The following CD38 variants were observed in gnomAD, a reference collection of about 807,000 sequenced individuals.
CD38 encodes the protein CD38 molecule, also known as ADP-ribosyl cyclase/cyclic ADP-ribose hydrolase 1.
A neutral mutation model predicts 36.3 loss-of-function variants in CD38; 31 were observed. That is an observed-to-expected ratio of 0.85 (90% CI 0.64 to 1.15). The LOEUF is 1.15. Ranked by LOEUF, CD38 falls within the 50% of genes most tolerant of loss-of-function variation. The probability of loss-of-function intolerance (pLI) is 0.00; values close to 1 mark genes in which losing one functional copy is unlikely to be tolerated. For synonymous variants in CD38, 131 were observed against 135.2 expected, an observed-to-expected ratio of 0.97 and a Z score of 0.22; for missense variants, 380 against 371.9, an observed-to-expected ratio of 1.02 and a Z score of -0.18.
At position 15,849,565 on chromosome 4, in the gene CD38, G is replaced by A. The variant is rs1724342364; in HGVS notation, c.*963G>A. On this transcript the variant is annotated 3_prime_UTR_variant, in exon 8 of 8. Coordinates refer to ENST00000226279, the MANE Select transcript of CD38 (RefSeq NM_001775.4). ...TCTTCATGCTCAGTGTTTTATATAT[G>A]TAGTATACAGTTAAAATATACTTGT... 1 of 152,142 alleles carries A rather than the reference G, an allele frequency of 6.6e-6. No individual in the cohort carries two copies. The highest frequency in any genetic ancestry group is 1.5e-5 in the Non-Finnish European group (1 of 68,028). 9.4% of individuals were successfully genotyped at this position (152,142 alleles called of 1,614,324 possible). A position where few individuals can be genotyped will look rare whatever the true frequency, so the allele number is the denominator to read the frequency against.
At chr4:15,804,378 G>C (rs569066461) in intron 1 of CD38, among the ~76,000 whole-genome samples, 1 of 152,230 alleles carries the variant, frequency 6.6e-6, no homozygotes, top group East Asian at 1.9e-4. Context: ...TTCCTTAACA[G>C]GCTAAAAATA....
chr4:15,787,267 G>A (rs549864526), intron 1 of CD38, among the ~76,000 whole-genome samples: 5 of 152,376 alleles, frequency 3.3e-5, no homozygotes, highest in Non-Finnish European at 5.9e-5. Flanking sequence ...TCTCATTAGG[G>A]TTGGGGAAAT....
At chr4:15,826,454 T>G (rs887667714) in intron 3 of CD38, among the ~76,000 whole-genome samples, 1 of 108,022 alleles carries the variant, frequency 9.3e-6, no homozygotes, top group African/African-American at 4.7e-5. Flanking sequence ...GAAACACTTT[T>G]GTGCGCACAC....
At chr4:15,794,999 G>T (rs945159699) in intron 1 of CD38, among the ~76,000 whole-genome samples, 8 of 152,154 alleles carry the variant, frequency 5.3e-5, no homozygotes, top group Non-Finnish European at 1.0e-4. Context: ...TTAGTATAGT[G>T]AGTCAGTTAA....
intron 1 of CD38, among the ~76,000 whole-genome samples, chr4:15,809,200 G>A (rs1445519375): frequency 6.6e-6 from 1 of 152,204 alleles, no homozygotes; most frequent in African/African-American, 2.4e-5. Context: ...ATTGCTGATT[G>A]TTGGCTAACT....
At chr4:15,790,027 G>A (rs1401650901) in intron 1 of CD38, among the ~76,000 whole-genome samples, 1 of 152,142 alleles carries the variant, frequency 6.6e-6, no homozygotes, top group Admixed American at 6.5e-5. Flanking sequence ...GAGGGAGAGT[G>A]AAACATAGAA....
chr4:15,849,744 A>G lies in CD38; in HGVS notation c.*1142A>G, dbSNP rs146320094. ...GTTTTGCTCTTCTCTTTAGCATTGG[A>G]AACATAGAAATGCTTTCTGATTTCT... On this transcript the variant is annotated 3_prime_UTR_variant, in exon 8 of 8. Coordinates refer to ENST00000226279, the MANE Select transcript of CD38 (RefSeq NM_001775.4). 21 of 152,296 alleles carry G rather than the reference A, an allele frequency of 1.4e-4. No individual in the cohort carries two copies. Among genetic ancestry groups the G allele is most frequent in the African/African-American group, 4.6e-4 (19 of 41,562 alleles). The allele number at this position is 152,296 out of a possible 1,614,324, so 9.4% of individuals were successfully genotyped here.
chr4:15,826,514 AT>A (rs1723854269), intron 3 of CD38, among the ~76,000 whole-genome samples: 1 of 151,538 alleles, frequency 6.6e-6, no homozygotes, highest in Non-Finnish European at 1.5e-5. Context: ...TACTTGAACG[AT>A]AAATTTTTAT....
chr4:15,793,064 C>G (rs755742844), intron 1 of CD38, among the ~76,000 whole-genome samples: 1 of 152,118 alleles, frequency 6.6e-6, no homozygotes, highest in African/African-American at 2.4e-5. Flanking sequence ...TAAAATCCTC[C>G]TCTATTCCCT....
chr4:15,840,511 T>C lies in CD38; in HGVS notation c.812T>C (p.Ile271Thr), dbSNP rs1202552108. The change falls in exon 7 of 8, where the codon ATT (isoleucine) becomes ACT (threonine). Residue 271 changes from isoleucine (I) to threonine (T), a missense_variant. Ile to Thr is a moderately conservative substitution (Grantham distance 89). Transcript: ENST00000226279. ...GAATCGATTATAAGCAAAAGGAATA[T>C]TCAATTTTCCTGCAAGAATATCTAC... ...ELESIISKRNIQFSCKNIYRP... is the reference protein window; with the variant it reads ...ELESIISKRNTQFSCKNIYRP... 8 of 1,601,704 alleles carry C rather than the reference T, an allele frequency of 5.0e-6. No individual in the cohort carries two copies. Among genetic ancestry groups the C allele is most frequent in the East Asian group, 2.2e-5 (1 of 44,770 alleles).
chr4:15,781,151 C>T (rs1722687715), intron 1 of CD38, among the ~76,000 whole-genome samples: 1 of 152,180 alleles, frequency 6.6e-6, no homozygotes, highest in African/African-American at 2.4e-5. Flanking sequence ...AACATTCTGC[C>T]TGGAAATCTC....
In CD38 at chr4:15,848,567, A is replaced by C. The variant is rs1336517081; in HGVS notation, c.868A>C (p.Asn290His). 8 of 1,613,744 alleles carry C rather than the reference A, an allele frequency of 5.0e-6. No homozygotes were observed. The highest frequency in any genetic ancestry group is 6.8e-6 in the Non-Finnish European group (8 of 1,179,862). Residue 290 changes from asparagine (N) to histidine (H), a missense_variant, in exon 8 of 8, where the codon AAT (asparagine) becomes CAT (histidine). Asn to His is a moderately conservative substitution (Grantham distance 68). Coordinates refer to ENST00000226279, the MANE Select transcript of CD38 (RefSeq NM_001775.4). ...TGACAAGTTTCTTCAGTGTGTGAAA[A>C]ATCCTGAGGATTCATCTTGCACATC... ...RPDKFLQCVK[N>H]PEDSSCTSEI
intron 3 of CD38, among the ~76,000 whole-genome samples, chr4:15,830,397 G>A (rs919826217): frequency 2.0e-5 from 3 of 152,142 alleles, no homozygotes; most frequent in East Asian, 3.8e-4. Flanking sequence ...CTTCTTTTGA[G>A]AAATATGTAT....
intron 1 of CD38, among the ~76,000 whole-genome samples, chr4:15,795,326 T>C (rs1723084314): frequency 6.6e-6 from 1 of 152,064 alleles, no homozygotes; most frequent in African/African-American, 2.4e-5. Context: ...ATTACCTTTT[T>C]TTCAGCAAAA....
chr4:15,799,631 T>C (rs1723174690), intron 1 of CD38, among the ~76,000 whole-genome samples: 1 of 152,214 alleles, frequency 6.6e-6, no homozygotes, highest in South Asian at 2.1e-4. Flanking sequence ...TTTATTTATC[T>C]ATTGATAGAC....
At chr4:15,826,491 ACACAC>A (rs1181504076) in intron 3 of CD38, among the ~76,000 whole-genome samples, 4 of 151,936 alleles carry the variant, frequency 2.6e-5, no homozygotes, top group African/African-American at 9.7e-5. Context: ...ACACACACAC[ACACAC>A]ACCTGCATAC....
intron 1 of CD38, among the ~76,000 whole-genome samples, chr4:15,785,615 A>C (rs1577631589): frequency 6.6e-6 from 1 of 152,032 alleles, no homozygotes; most frequent in Non-Finnish European, 1.5e-5. Context: ...ACTCTTGAAA[A>C]ACAGCTGCCA....
At chr4:15,781,336 T>G (rs1245551589) in intron 1 of CD38, among the ~76,000 whole-genome samples, 1 of 152,210 alleles carries the variant, frequency 6.6e-6, no homozygotes, top group Non-Finnish European at 1.5e-5. Context: ...ACCTCTCCTC[T>G]CCTGCCTGTC....
In CD38 at chr4:15,851,302, A is replaced by G. The variant is rs1375609378; in HGVS notation, c.*2700A>G. 1 of 152,048 alleles carries G rather than the reference A, an allele frequency of 6.6e-6. No homozygotes were observed. Among genetic ancestry groups the G allele is most frequent in the African/African-American group, 2.4e-5 (1 of 41,408 alleles). The allele number at this position is 152,048 out of a possible 1,614,324, so 9.4% of individuals were successfully genotyped here. On this transcript the variant is annotated 3_prime_UTR_variant, in exon 8 of 8. Coordinates refer to ENST00000226279, the MANE Select transcript of CD38 (RefSeq NM_001775.4). ...CTACATGTATAAATACCCCCTCACA[A>G]TATATATTACTTTTCCTATAAGTGA...
Sources: allele counts gnomAD v4.1 joint callset (sites outside exome capture counted in the v4.1 genomes callset), GRCh38; gene constraint gnomAD v4.1.1; transcripts MANE v1.5; gene names NCBI Gene and HGNC (gene_info 2026-07-23, HGNC 2026-07-21).